FARS2: variants seen among roughly 807,000 people sequenced by gnomAD.
FARS2 encodes the protein phenylalanine--tRNA ligase, mitochondrial.
Under a neutral mutation model 46.4 loss-of-function variants are expected in FARS2, and 40 were observed. The ratio of observed to expected loss-of-function variants is 0.86; its 90% CI spans 0.67 to 1.12. The LOEUF (loss-of-function observed/expected upper bound fraction) is 1.12. Ranked by LOEUF, FARS2 falls within the 50% of genes most tolerant of loss-of-function variation. The pLI, the probability that FARS2 is intolerant of heterozygous loss-of-function variation, is 0.00. For synonymous variants in FARS2, 234 were observed against 214.9 expected, an observed-to-expected ratio of 1.09 and a Z score of -0.78; for missense variants, 513 against 567.9, an observed-to-expected ratio of 0.90 and a Z score of 0.98.
intron 6 of FARS2, among the ~76,000 whole-genome samples, chr6:5,743,559 A>G (rs1448499734): frequency 6.6e-6 from 1 of 152,250 alleles, no homozygotes; most frequent in African/African-American, 2.4e-5. Flanking sequence ...TGAAAGTTTC[A>G]TGCTAGCATT....
intron 6 of FARS2, among the ~76,000 whole-genome samples, chr6:5,623,069 G>A (rs145361601): frequency 6.6e-6 from 1 of 152,300 alleles, no homozygotes; most frequent in Non-Finnish European, 1.5e-5. Context: ...GTGATGTTGG[G>A]ACTTTTGGAG....
chr6:5,641,576 C>T (rs141468125), intron 6 of FARS2, among the ~76,000 whole-genome samples: 1 of 152,314 alleles, frequency 6.6e-6, no homozygotes, highest in East Asian at 1.9e-4. Flanking sequence ...GGATTACAGG[C>T]GTGAGCCATT....
At chr6:5,303,408 C>T (rs1464117146) in intron 1 of FARS2, among the ~76,000 whole-genome samples, 2 of 152,154 alleles carry the variant, frequency 1.3e-5, no homozygotes, top group Non-Finnish European at 2.9e-5. Flanking sequence ...TGAAGCTGCA[C>T]GTGGGGCTAA....
intron 1 of FARS2, among the ~76,000 whole-genome samples, chr6:5,320,069 A>AGAT (rs1769856395): frequency 6.6e-6 from 1 of 152,246 alleles, no homozygotes; most frequent in Non-Finnish European, 1.5e-5. Context: ...CTTGATAAAT[A>AGAT]GATCCCAAGG....
intron 6 of FARS2, chr6:5,667,905 C>CT (rs1778226582): frequency 1.3e-5 from 2 of 152,248 alleles, no homozygotes. Context: ...GTGATCGACT[C>CT]TTAGAGCAAG....
At chr6:5,292,472 T>C (rs1270335823) in intron 1 of FARS2, among the ~76,000 whole-genome samples, 1 of 152,088 alleles carries the variant, frequency 6.6e-6, no homozygotes, top group South Asian at 2.1e-4. Flanking sequence ...CAGAGTGATA[T>C]GGGATTTGGA....
intron 1 of FARS2, among the ~76,000 whole-genome samples, chr6:5,314,923 A>G (rs1004269067): frequency 6.6e-6 from 1 of 152,236 alleles, no homozygotes; most frequent in Non-Finnish European, 1.5e-5. Flanking sequence ...TCTTTGAGAA[A>G]GAAGTATAAC....
intron 6 of FARS2, among the ~76,000 whole-genome samples, chr6:5,657,601 G>A (rs1208455773): frequency 2.0e-5 from 3 of 152,314 alleles, no homozygotes; most frequent in South Asian, 2.1e-4. Context: ...GCTAAATGAG[G>A]TTCTGGCTTC....
intron 4 of FARS2, among the ~76,000 whole-genome samples, chr6:5,461,240 A>G (rs970766972): frequency 5.9e-5 from 9 of 151,924 alleles, no homozygotes; most frequent in East Asian, 1.9e-4. Context: ...AAGTTTCACT[A>G]CATTGCCTAG....
At chr6:5,372,102 T>C (rs2127651139) in intron 2 of FARS2, among the ~76,000 whole-genome samples, 1 of 152,284 alleles carries the variant, frequency 6.6e-6, no homozygotes, top group Non-Finnish European at 1.5e-5. Context: ...GGAAACTTTA[T>C]GAATTAAGAA....
chr6:5,349,297 G>A (rs1757426008), intron 1 of FARS2, among the ~76,000 whole-genome samples: 1 of 152,164 alleles, frequency 6.6e-6, no homozygotes, highest in Admixed American at 6.5e-5. Flanking sequence ...TCTGTATGTT[G>A]AAGATTACAA....
intron 4 of FARS2, among the ~76,000 whole-genome samples, chr6:5,528,473 T>A (rs1283749864): frequency 1.3e-5 from 2 of 152,222 alleles, no homozygotes. Context: ...TGGCACTGAT[T>A]TGCATATGTA....
At chr6:5,264,917 C>T (rs901440303) in intron 1 of FARS2, among the ~76,000 whole-genome samples, 49 of 151,578 alleles carry the variant, frequency 3.2e-4, no homozygotes, top group Non-Finnish European at 6.6e-4. Flanking sequence ...CCTCAGCCTC[C>T]TGAGTAGCTA....
intron 5 of FARS2, among the ~76,000 whole-genome samples, chr6:5,583,441 C>G (rs1362811484): frequency 6.6e-6 from 1 of 152,178 alleles, no homozygotes; most frequent in African/African-American, 2.4e-5. Flanking sequence ...GACGGCTCTG[C>G]TTCCAAGAGA....
chr6:5,619,287 T>C (rs754351441), intron 6 of FARS2, among the ~76,000 whole-genome samples: 8 of 152,198 alleles, frequency 5.3e-5, no homozygotes, highest in Non-Finnish European at 1.2e-4. Flanking sequence ...TACCATCCCT[T>C]TCCTTTGATT....
rs200865522 is a variant in FARS2 at position 5,376,621 on chromosome 6, C to T, written c.612+7439C>T. 3.3e-4 allele frequency among the ~76,000 whole-genome samples: 51 copies of T among 152,250 alleles called. No individual in the cohort carries two copies. The South Asian group carries it at 9.3e-3, about 28-fold the overall frequency. On this transcript the variant is annotated intron_variant, in intron 2 of 6. Coordinates refer to ENST00000274680, the MANE Select transcript of FARS2 (RefSeq NM_006567.5). ...AATACTTTATAGCAATTAACATAAACGATCTAGAGGTACTTGTATCAACAT... is the reference window on the plus strand; with the variant it reads ...AATACTTTATAGCAATTAACATAAATGATCTAGAGGTACTTGTATCAACAT...
intron 2 of FARS2, 43 bp from the exon 3 acceptor site, chr6:5,404,499 G>C (rs1012354020): frequency 1.4e-6 from 2 of 1,423,908 alleles, no homozygotes; most frequent in Non-Finnish European, 1.9e-6. Flanking sequence ...ATATAGATGG[G>C]CCAGGATATT....
chr6:5,666,574 G>T (rs925315353), intron 6 of FARS2, among the ~76,000 whole-genome samples: 1 of 152,172 alleles, frequency 6.6e-6, no homozygotes, highest in Non-Finnish European at 1.5e-5. Context: ...GACACTGGAG[G>T]CAAAGACAGA....
At chr6:5,569,874 A>G (rs540674750) in intron 5 of FARS2, among the ~76,000 whole-genome samples, 2 of 152,160 alleles carry the variant, frequency 1.3e-5, no homozygotes, top group African/African-American at 2.4e-5. Context: ...AACAGGTAAG[A>G]TAAAGGAAAG....
Sources: gnomAD v4.1 joint callset for allele counts (sites outside exome capture counted in the v4.1 genomes callset) on GRCh38, gnomAD v4.1.1 for gene constraint, MANE v1.5 for transcripts, NCBI Gene and HGNC (gene_info 2026-07-23, HGNC 2026-07-21) for gene names.